The following PHF21A variants were observed in gnomAD, a reference collection of about 807,000 sequenced individuals.
PHF21A encodes the protein PHD finger protein 21A.
A neutral mutation model predicts 82.5 loss-of-function variants in PHF21A; 11 were observed. That is an observed-to-expected ratio of 0.13 (90% confidence interval 0.08 to 0.22). The LOEUF is 0.22. PHF21A is among the 10% of genes least tolerant of loss of function. The pLI is 1.00. For missense variants in PHF21A, 579 were observed against 837.8 expected, an observed-to-expected ratio of 0.69 and a Z score of 3.81; for synonymous variants, 297 against 302.8, an observed-to-expected ratio of 0.98 and a Z score of 0.20.
intron 6 of PHF21A, among the ~76,000 whole-genome samples, chr11:45,998,505 A>C (rs2094990125): frequency 6.6e-6 from 1 of 151,800 alleles, no homozygotes; most frequent in Non-Finnish European, 1.5e-5. Flanking sequence ...AAATAACTCT[A>C]CCATTTCTTT....
At chr11:45,959,097 T>A (rs1246080588) in intron 10 of PHF21A, among the ~76,000 whole-genome samples, 5 of 152,102 alleles carry the variant, frequency 3.3e-5, no homozygotes, top group African/African-American at 7.2e-5. Context: ...AGTGGAAGGG[T>A]GGTTCAATGT....
At chr11:46,050,575 A>T (rs1314358979) in intron 6 of PHF21A, among the ~76,000 whole-genome samples, 2 of 152,246 alleles carry the variant, frequency 1.3e-5, no homozygotes, top group African/African-American at 4.8e-5. Flanking sequence ...TGGGAGGGGA[A>T]TGAAGTAGGT....
chr11:46,105,992 T>C (rs778332274), intron 1 of PHF21A, among the ~76,000 whole-genome samples: 2 of 152,230 alleles, frequency 1.3e-5, no homozygotes, highest in Non-Finnish European at 2.9e-5. Flanking sequence ...ATTTGTATAC[T>C]AACATGTAAT....
chr11:45,942,758 A>T (rs2090590266), intron 15 of PHF21A, among the ~76,000 whole-genome samples: 1 of 152,196 alleles, frequency 6.6e-6, no homozygotes, highest in South Asian at 2.1e-4. Context: ...CAGAATATTC[A>T]TATGGTATTC....
chr11:46,100,118 C>T (rs1230184371), intron 1 of PHF21A, among the ~76,000 whole-genome samples: 1 of 152,202 alleles, frequency 6.6e-6, no homozygotes, highest in Non-Finnish European at 1.5e-5. Context: ...ATGCCTCAAT[C>T]ACGCTGATAA....
intron 6 of PHF21A, among the ~76,000 whole-genome samples, chr11:46,069,108 C>A (rs547512425): frequency 2.6e-4 from 39 of 152,260 alleles, no homozygotes; most frequent in Non-Finnish European, 4.6e-4. Context: ...TATATACAAC[C>A]TCTCGATCTT....
chr11:45,934,714 C>T (rs953699623), intron 18 of PHF21A: 5 of 310,676 alleles, frequency 1.6e-5, no homozygotes, highest in African/African-American at 6.5e-5. Flanking sequence ...GGAAGTGAGA[C>T]GACAGGCCAG....
intron 6 of PHF21A, among the ~76,000 whole-genome samples, chr11:45,997,806 C>A (rs925034679): frequency 1.3e-5 from 2 of 152,198 alleles, no homozygotes; most frequent in Non-Finnish European, 2.9e-5. Flanking sequence ...CTGCCTCATG[C>A]TGCAAACTCA....
At chr11:45,945,322 T>C (rs1424563482) in intron 15 of PHF21A, among the ~76,000 whole-genome samples, 1 of 152,214 alleles carries the variant, frequency 6.6e-6, no homozygotes, top group African/African-American at 2.4e-5. Flanking sequence ...GGCTACTAAG[T>C]ATTTGACAGT....
At chr11:45,960,745 C>G (rs528726926) in intron 10 of PHF21A, among the ~76,000 whole-genome samples, 1 of 152,154 alleles carries the variant, frequency 6.6e-6, no homozygotes, top group East Asian at 1.9e-4. Flanking sequence ...CATGGATATC[C>G]CTTCGATGAA....
intron 6 of PHF21A, among the ~76,000 whole-genome samples, chr11:46,030,051 G>A (rs1592209376): frequency 6.6e-6 from 1 of 152,152 alleles, no homozygotes; most frequent in East Asian, 1.9e-4. Context: ...AGAGAGCCCT[G>A]ATATATACAA....
At chr11:46,060,383 T>C (rs375246425) in intron 6 of PHF21A, among the ~76,000 whole-genome samples, 1 of 152,140 alleles carries the variant, frequency 6.6e-6, no homozygotes, top group South Asian at 2.1e-4. Context: ...TCTAGTCTCC[T>C]CCTACAGCTC....
chr11:45,945,949 G>A lies in PHF21A; in HGVS notation c.1343C>T (p.Ser448Phe), dbSNP rs2091224407. The A allele has an allele frequency of 6.2e-7, 1 of 1,613,556 alleles. No homozygotes were observed. Among genetic ancestry groups the A allele is most frequent in the Non-Finnish European group, 8.5e-7 (1 of 1,179,726 alleles). ...GGAGTCAGGATGACTGGATTGGGGG[G>A]ATGTTGGGGTAAGGGCTCCAAACCC... ...VLGFGALTPT[S>F]PQSSHPDSPE... The change falls in exon 15 of 19, where the codon TCC (serine) becomes TTC (phenylalanine). Residue 448 changes from serine to phenylalanine, a missense_variant. Coordinates refer to ENST00000676320, the MANE Select transcript of PHF21A (RefSeq NM_001352027.3).
intron 6 of PHF21A, among the ~76,000 whole-genome samples, chr11:45,995,422 A>G (rs1302956017): frequency 6.6e-6 from 1 of 152,214 alleles, no homozygotes; most frequent in Non-Finnish European, 1.5e-5. Context: ...ACAGGGGTGC[A>G]TACCTATACT....
At chr11:45,950,967 A>C (rs1020465367) in intron 11 of PHF21A, among the ~76,000 whole-genome samples, 2 of 152,272 alleles carry the variant, frequency 1.3e-5, no homozygotes, top group South Asian at 4.1e-4. Context: ...TCACACATGA[A>C]CCTAAAAATT....
At chr11:46,000,470 G>C (rs890358599) in intron 6 of PHF21A, among the ~76,000 whole-genome samples, 1 of 151,940 alleles carries the variant, frequency 6.6e-6, no homozygotes, top group Non-Finnish European at 1.5e-5. Context: ...CAGAAACTAG[G>C]TAACAGTCAA....
intron 7 of PHF21A, among the ~76,000 whole-genome samples, chr11:45,978,630 C>G (rs1315602227): frequency 6.6e-6 from 1 of 152,148 alleles, no homozygotes; most frequent in Non-Finnish European, 1.5e-5. Flanking sequence ...TTCAGAGGAT[C>G]CCAAAGTCCT....
intron 6 of PHF21A, among the ~76,000 whole-genome samples, chr11:46,023,714 T>G (rs2095677953): frequency 6.6e-6 from 1 of 152,136 alleles, no homozygotes; most frequent in East Asian, 1.9e-4. Context: ...CCAACACTTT[T>G]GGAGACAGAG....
intron 15 of PHF21A, among the ~76,000 whole-genome samples, chr11:45,939,157 C>A (rs2089832749): frequency 6.6e-6 from 1 of 152,152 alleles, no homozygotes; most frequent in African/African-American, 2.4e-5. Flanking sequence ...TTAAAGTTTA[C>A]AGGAGAGGTC....
Sources: gnomAD v4.1 joint callset for allele counts (sites outside exome capture counted in the v4.1 genomes callset) on GRCh38, gnomAD v4.1.1 for gene constraint, MANE v1.5 for transcripts, NCBI Gene and HGNC (gene_info 2026-07-23, HGNC 2026-07-21) for gene names.